Variants in TRPC3 observed in about 807,000 individuals in gnomAD.
The protein encoded by TRPC3 is transient receptor potential cation channel subfamily C member 3.
A neutral mutation model predicts 90.9 loss-of-function variants in TRPC3; 54 were observed. That is an observed-to-expected ratio of 0.59 (90% CI 0.48 to 0.75). The LOEUF is 0.75. Ranked by LOEUF, TRPC3 falls within the 30% of genes least tolerant of loss-of-function variation. The probability of loss-of-function intolerance (pLI) is 0.00; values close to 1 mark genes in which losing one functional copy is unlikely to be tolerated. For synonymous variants in TRPC3, 424 were observed against 450.9 expected, an observed-to-expected ratio of 0.94 and a Z score of 0.75; for missense variants, 918 against 1,194.5, an observed-to-expected ratio of 0.77 and a Z score of 3.41.
chr4:121,910,110 TA>T, intron 6 of TRPC3, 43 bp downstream of exon 6: 1 of 1,543,936 alleles, frequency 6.5e-7, no homozygotes, highest in Non-Finnish European at 8.9e-7. Context: ...GTGGTTCCAA[TA>T]CCTTTCCCAA....
intron 5 of TRPC3, among the ~76,000 whole-genome samples, chr4:121,910,744 A>C (rs1425315248): frequency 1.3e-5 from 2 of 152,206 alleles, no homozygotes; most frequent in Admixed American, 6.5e-5. Flanking sequence ...AGACTTTTGG[A>C]GAAGAAAATA....
At position 121,951,704 on chromosome 4, in the gene TRPC3, G is replaced by A; in HGVS notation, c.-24C>T. 7.7e-7 allele frequency: 1 copy of A among 1,295,156 alleles called. No individual in the cohort carries two copies. The highest frequency in any genetic ancestry group is 3.2e-5 in the East Asian group (1 of 31,690). The allele number at this position is 1,295,156 out of a possible 1,614,324, so 80.2% of individuals were successfully genotyped here. On this transcript the variant is annotated 5_prime_UTR_variant, in exon 1 of 12. Coordinates refer to ENST00000379645, the MANE Select transcript of TRPC3 (RefSeq NM_001130698.2). This position sits in a 1 kb window ranked among gnomAD's most constrained non-coding sequence, Gnocchi z 4.4. ...ATCGCGCCGGCTGCGGTCCGAGTGT[G>A]GGGGTGCCGGCTGCCGGCCTCCTCC...
intron 10 of TRPC3, among the ~76,000 whole-genome samples, chr4:121,893,491 G>T (rs1428375782): frequency 6.6e-6 from 1 of 151,972 alleles, no homozygotes; most frequent in Non-Finnish European, 1.5e-5. Context: ...CAGGTTAAAT[G>T]AAAATATATT....
In TRPC3 at chr4:121,951,144, C is replaced by G. The variant is rs1730718807; in HGVS notation, c.215+322G>C. ...CAGCAGTCGTGCGAGCTCCTCGGCT[C>G]TAATACAGGGAGTGGCTGCTCGCCA... On this transcript the variant is annotated intron_variant, in intron 1 of 11. Coordinates refer to ENST00000379645, the MANE Select transcript of TRPC3 (RefSeq NM_001130698.2). The surrounding 1 kb of genome is among the most constrained non-coding windows in gnomAD (Gnocchi z 4.4). Among the ~76,000 whole-genome samples the G allele has an allele frequency of 6.6e-6, 1 of 152,198 alleles. No individual in the cohort carries two copies. The highest frequency in any genetic ancestry group is 1.5e-5 in the Non-Finnish European group (1 of 68,036).
intron 3 of TRPC3, among the ~76,000 whole-genome samples, chr4:121,917,681 T>G (rs1010136032): frequency 1.3e-5 from 2 of 152,212 alleles, no homozygotes; most frequent in African/African-American, 4.8e-5. Context: ...AATTTGAATG[T>G]TGGTACAAGT....
chr4:121,924,763 C>T (rs537881177), intron 3 of TRPC3, among the ~76,000 whole-genome samples: 3 of 152,244 alleles, frequency 2.0e-5, no homozygotes, highest in South Asian at 2.1e-4. Context: ...TGGTCTTGAA[C>T]GCCTGGCCTC....
intron 1 of TRPC3, among the ~76,000 whole-genome samples, chr4:121,942,222 A>G (rs1730342940): frequency 6.6e-6 from 1 of 152,186 alleles, no homozygotes; most frequent in Non-Finnish European, 1.5e-5. Context: ...ATTCCCTGAT[A>G]GTTTCTGTTG....
chr4:121,880,799 G>T (rs955499958), intron 11 of TRPC3, among the ~76,000 whole-genome samples: 2 of 151,934 alleles, frequency 1.3e-5, no homozygotes, highest in African/African-American at 4.8e-5. Context: ...TAATAAAATG[G>T]CATTTAAAAC....
intron 10 of TRPC3, among the ~76,000 whole-genome samples, chr4:121,889,857 T>A (rs1159382362): frequency 3.3e-5 from 5 of 152,100 alleles, no homozygotes; most frequent in African/African-American, 1.2e-4. Context: ...TGAAGAGACA[T>A]CTGTACTCCC....
At chr4:121,915,753 TG>T (rs1385963711) in intron 3 of TRPC3, among the ~76,000 whole-genome samples, 9 of 152,340 alleles carry the variant, frequency 5.9e-5, no homozygotes, top group Admixed American at 2.0e-4. Context: ...TTAGAAGGAC[TG>T]GGATTTCTTT....
intron 10 of TRPC3, among the ~76,000 whole-genome samples, chr4:121,886,845 G>A (rs926759743): frequency 6.6e-6 from 1 of 151,986 alleles, no homozygotes; most frequent in African/African-American, 2.4e-5. Flanking sequence ...AGTTTATCTG[G>A]GCCAAGTTTA....
intron 1 of TRPC3, among the ~76,000 whole-genome samples, chr4:121,934,190 A>C (rs1730052766): frequency 6.6e-6 from 1 of 152,190 alleles, no homozygotes; most frequent in South Asian, 2.1e-4. Flanking sequence ...AAATAATTTC[A>C]TTTCCTTGTG....
Position 121,904,532 on chromosome 4 carries a change from A to C in TRPC3, c.2058-15T>G. On this transcript the variant is annotated splice_polypyrimidine_tract_variant and intron_variant, in intron 7 of 11. Coordinates refer to ENST00000379645, the MANE Select transcript of TRPC3 (RefSeq NM_001130698.2). The stretch of plus-strand genomic sequence containing the variant: ...TTTCTTCTACACTGTTGAAAAAATA[A>C]GATACAAAGTAAGTAAGTTAACAGT... 6.6e-7 allele frequency: 1 copy of C among 1,519,846 alleles called. No homozygotes were observed. The highest frequency in any genetic ancestry group is 8.8e-7 in the Non-Finnish European group (1 of 1,136,992). 94.1% of individuals were successfully genotyped at this position (1,519,846 alleles called of 1,614,324 possible). A position where few individuals can be genotyped will look rare whatever the true frequency, so the allele number is the denominator to read the frequency against.
chr4:121,908,331 G>T (rs897818727), intron 6 of TRPC3, among the ~76,000 whole-genome samples: 1 of 152,146 alleles, frequency 6.6e-6, no homozygotes, highest in South Asian at 2.1e-4. Context: ...ATTTCTCAAA[G>T]AACTTAAAAC....
In TRPC3 at chr4:121,899,649, C is replaced by G; in HGVS notation, c.2510G>C (p.Ser837Thr). 3 of 1,613,528 alleles carry G rather than the reference C, an allele frequency of 1.9e-6. No homozygotes were observed. In the South Asian group the frequency reaches 3.3e-5, roughly 18 times the overall value. ...QSNSRVFESH[S>T]FNSILNQPTR... ...TGGCTGATTGAGAATGCTGTTAAAA[C>G]TGTGTGATTCAAAAACTCTTGAGTT... Residue 837 changes from serine (S) to threonine (T), a missense_variant, in exon 10 of 12, where the codon AGT becomes ACT. By Grantham distance (58) the Ser-to-Thr change is moderately conservative (BLOSUM62 1). Around this residue, in one of 4 missense-constraint regions of TRPC3, gnomAD observed 121 missense variants for 135.7 expected, o/e 0.89. Transcript: ENST00000379645.
chr4:121,903,070 C>T lies in TRPC3; in HGVS notation c.2254-9G>A. On this transcript the variant is annotated splice_polypyrimidine_tract_variant and intron_variant, in intron 8 of 11. Transcript: ENST00000379645. ...TCTACATCACTGTCATCCTGTGTCA[C>T]AAAAATAGAAAAAAAAACTAATTTT... 3 of 1,568,832 alleles carry T rather than the reference C, an allele frequency of 1.9e-6. No homozygotes were observed. Among genetic ancestry groups the T allele is most frequent in the Non-Finnish European group, 2.6e-6 (3 of 1,161,420 alleles).
At chr4:121,927,976 C>T (rs888293386) in intron 2 of TRPC3, among the ~76,000 whole-genome samples, 4 of 152,162 alleles carry the variant, frequency 2.6e-5, no homozygotes, top group Admixed American at 1.3e-4. Flanking sequence ...TATAAAGCTT[C>T]CCTTTTAATA....
At chr4:121,885,439 A>G (rs757741304) in intron 10 of TRPC3, among the ~76,000 whole-genome samples, 3 of 152,298 alleles carry the variant, frequency 2.0e-5, no homozygotes, top group Non-Finnish European at 4.4e-5. Flanking sequence ...GAGTTGCAAG[A>G]ACAAATCATG....
At chr4:121,880,114 G>C (rs1727890986) in intron 11 of TRPC3, among the ~76,000 whole-genome samples, 1 of 152,054 alleles carries the variant, frequency 6.6e-6, no homozygotes, top group Non-Finnish European at 1.5e-5. Flanking sequence ...TCAGCTTAAA[G>C]TATTGTCCTT....
Sources: allele counts gnomAD v4.1 joint callset (sites outside exome capture counted in the v4.1 genomes callset), GRCh38; gene constraint gnomAD v4.1.1; regional missense constraint gnomAD v4.1.1; non-coding constraint Gnocchi (gnomAD v3.1); transcripts MANE v1.5; gene names NCBI Gene and HGNC (gene_info 2026-07-23, HGNC 2026-07-21).